The following SARDH variants were observed in gnomAD, a reference collection of about 807,000 sequenced individuals.
SARDH encodes the protein sarcosine dehydrogenase, mitochondrial.
SARDH carries 95 observed loss-of-function variants against 109.1 expected under a neutral mutation model. That is an observed-to-expected ratio of 0.87 (90% CI 0.74 to 1.03). The LOEUF is 1.03. Ranked by LOEUF, SARDH falls within the 50% of genes least tolerant of loss-of-function variation. The pLI is 0.00. For missense variants in SARDH, 1,267 were observed against 1,287.8 expected (o/e 0.98, Z 0.25); for synonymous variants, 572 against 534.8 (o/e 1.07, Z -0.96).
intron 3 of SARDH, 142 bp downstream of exon 3, chr9:133,732,281 A>C: frequency 3.2e-6 from 1 of 309,478 alleles, no homozygotes; most frequent in Non-Finnish European, 5.8e-6. Context: ...GCGCACACGG[A>C]CATGAACCCC....
In SARDH at chr9:133,712,975, C is replaced by T. The variant is rs573694943; in HGVS notation, c.1237+63G>A. Reference sequence around the variant, plus strand: ...ACGGTGCTCCTGCGCCCGCCTCCCCCAGAGCTCTGGGAATGACAGGACCTC... The same window carrying T: ...ACGGTGCTCCTGCGCCCGCCTCCCCTAGAGCTCTGGGAATGACAGGACCTC... On this transcript the variant is annotated intron_variant, in intron 9 of 20. Coordinates refer to ENST00000439388, the MANE Select transcript of SARDH (RefSeq NM_001134707.2). The surrounding 1 kb of genome is among the most constrained non-coding windows in gnomAD (Gnocchi z 4.1). The T allele has an allele frequency of 6.6e-7, 1 of 1,510,382 alleles. No homozygotes were observed. The highest frequency in any genetic ancestry group is 1.2e-5 in the South Asian group (1 of 84,498). The allele number at this position is 1,510,382 out of a possible 1,614,324, so 93.6% of individuals were successfully genotyped here. A position where few individuals can be genotyped will look rare whatever the true frequency, so the allele number is the denominator to read the frequency against.
Position 133,702,934 on chromosome 9 carries a change from G to A in SARDH, c.1650C>T (p.Phe550=), listed in dbSNP as rs756734281. The A allele has an allele frequency of 6.2e-7, 1 of 1,612,520 alleles. No individual in the cohort carries two copies. Among genetic ancestry groups the A allele is most frequent in the South Asian group, 1.1e-5 (1 of 91,040 alleles). Residue 550 remains phenylalanine (F), a synonymous_variant, in exon 13 of 21, where the codon TTC becomes TTT. Coordinates refer to ENST00000439388, the MANE Select transcript of SARDH (RefSeq NM_001134707.2). ...RLLADEYTFA[F]PPHHDTIKKE... ...TACGCACCGTGTCGTGGTGGGGCGG[G>A]AAGGCGAAGGTGTACTCGTCTGCCA...
chr9:133,694,124 G>T, intron 15 of SARDH, 134 bp downstream of exon 15: 1 of 662,426 alleles, frequency 1.5e-6, no homozygotes, highest in South Asian at 2.0e-5. Flanking sequence ...TCCCAGCTCT[G>T]ACCACAGCGG....
Position 133,693,775 on chromosome 9 carries a change from A to T in SARDH, c.1921+483T>A, listed in dbSNP as rs554778424. On this transcript the variant is annotated intron_variant, in intron 15 of 20. Transcript: ENST00000439388. The surrounding 1 kb of genome is among the most constrained non-coding windows in gnomAD (Gnocchi z 5.6). ...TGTCCCTGAGGGTATGCAAGCAGAC[A>T]TGGTGGGACTGCAGCAGGCAATCAG... is the stretch of plus-strand genomic sequence containing the variant. Among the ~76,000 whole-genome samples, 20 of 152,304 alleles carry T rather than the reference A, an allele frequency of 1.3e-4. No individual in the cohort carries two copies. Among genetic ancestry groups the T allele is most frequent in the Admixed American group, 8.5e-4 (13 of 15,302 alleles).
At chr9:133,664,116 C>T in intron 20 of SARDH, 102 bp from the exon 21 acceptor site, 1 of 1,476,148 alleles carries the variant, frequency 6.8e-7, no homozygotes. Flanking sequence ...TGCTACCTGC[C>T]CTGTGGGCAA....
In SARDH at chr9:133,708,303, C is replaced by T. The variant is rs747165860; in HGVS notation, c.1454G>A (p.Arg485Lys). ...DEPLAGRNMRRDPLHEELLGQ... is the reference protein window; with the variant it reads ...DEPLAGRNMRKDPLHEELLGQ... ...GGGCGTTACCTCGTGCAGCGGGTCTCTCCTCATGTTGCGCCCGGCCAGCGG... is the reference window on the plus strand; with the variant it reads ...GGGCGTTACCTCGTGCAGCGGGTCTTTCCTCATGTTGCGCCCGGCCAGCGG... The change falls in exon 11 of 21, where the codon AGA becomes AAA. Residue 485 changes from arginine to lysine, a missense_variant. Arg to Lys is a conservative substitution (Grantham distance 26, BLOSUM62 2). Coordinates refer to ENST00000439388, the MANE Select transcript of SARDH (RefSeq NM_001134707.2). 2.1e-5 allele frequency: 34 copies of T among 1,613,094 alleles called. No homozygotes were observed. The South Asian group carries it at 3.2e-4, about 15-fold the overall frequency.
At chr9:133,674,319 C>T (rs528789911) in intron 17 of SARDH, among the ~76,000 whole-genome samples, 28 of 152,340 alleles carry the variant, frequency 1.8e-4, no homozygotes, top group African/African-American at 6.0e-4. Context: ...TCTGACCCAT[C>T]GGCCAGGGTT....
rs1440177160 is a variant in SARDH at position 133,686,172 on chromosome 9, C to T, written c.2070-886G>A. 6.6e-6 allele frequency among the ~76,000 whole-genome samples: 1 copy of T among 152,056 alleles called. No homozygotes were observed. The highest frequency in any genetic ancestry group is 6.5e-5 in the Admixed American group (1 of 15,276). ...GGTCCACCCCTGCTTTTAAGCTCTG[C>T]GAGGGTGGGGATTCGCTCCCCACTT... On this transcript the variant is annotated intron_variant, in intron 16 of 20. Transcript: ENST00000439388. The surrounding 1 kb of genome is among the most constrained non-coding windows in gnomAD (Gnocchi z 4.0).
intron 10 of SARDH, among the ~76,000 whole-genome samples, chr9:133,711,422 G>C (rs1831913883): frequency 6.6e-6 from 1 of 152,236 alleles, no homozygotes; most frequent in Admixed American, 6.5e-5. Context: ...GGAGGGGCCT[G>C]AATTGGCCCT....
intron 6 of SARDH, among the ~76,000 whole-genome samples, chr9:133,727,614 TG>T (rs1204088284): frequency 6.6e-6 from 1 of 152,224 alleles, no homozygotes; most frequent in Non-Finnish European, 1.5e-5. Context: ...CACCTGCACA[TG>T]GCCAGGTGTC....
At position 133,704,881 on chromosome 9, in the gene SARDH, CGT is replaced by C; in HGVS notation, c.1554+65_1554+66del. 1.4e-6 allele frequency: 2 copies of C among 1,380,482 alleles called. No homozygotes were observed. The allele number at this position is 1,380,482 out of a possible 1,614,324, so 85.5% of individuals were successfully genotyped here. ...CACACGGAGGGGCAAGGACGGGGCA[CGT>C]GGAGGGGCAAGGGGGTTGTCAGGGC... On this transcript the variant is annotated intron_variant, in intron 12 of 20. Coordinates refer to ENST00000439388, the MANE Select transcript of SARDH (RefSeq NM_001134707.2). This position sits in a 1 kb window ranked among gnomAD's most constrained non-coding sequence, Gnocchi z 4.5.
At chr9:133,661,161 G>A (rs1024501928), downstream of SARDH, among the ~76,000 whole-genome samples, 2 of 152,120 alleles carry the variant, frequency 1.3e-5, no homozygotes, top group Admixed American at 1.3e-4. Flanking sequence ...CCAATATGGT[G>A]AAACCCCGTC....
At chr9:133,699,008 T>C (rs1338278112) in intron 13 of SARDH, among the ~76,000 whole-genome samples, 2 of 152,166 alleles carry the variant, frequency 1.3e-5, no homozygotes, top group African/African-American at 4.8e-5. Context: ...ATTACAGATC[T>C]GATAAGAGAC....
At chr9:133,670,298 C>T (rs1021614896) in intron 19 of SARDH, among the ~76,000 whole-genome samples, 12 of 148,318 alleles carry the variant, frequency 8.1e-5, no homozygotes, top group South Asian at 6.4e-4. Flanking sequence ...CACTGCACTC[C>T]GGCCTGGGCA....
chr9:133,679,477 C>G (rs187264173), intron 17 of SARDH, among the ~76,000 whole-genome samples: 1 of 152,258 alleles, frequency 6.6e-6, no homozygotes, highest in African/African-American at 2.4e-5. Flanking sequence ...ACTTGATCAC[C>G]GTGCCCCACG....
At chr9:133,683,757 T>C (rs1830781667) in intron 17 of SARDH, among the ~76,000 whole-genome samples, 1 of 152,128 alleles carries the variant, frequency 6.6e-6, no homozygotes, top group South Asian at 2.1e-4. Context: ...CCCAGATTTG[T>C]CCCCCAGGAC....
At chr9:133,738,387 C>T (rs950244786), upstream of SARDH, 1 of 152,138 alleles carries the variant, frequency 6.6e-6, no homozygotes, top group African/African-American at 2.4e-5. Flanking sequence ...GCTGCCAGCC[C>T]CATGTCTCCG....
chr9:133,684,349 G>A (rs947680959), intron 17 of SARDH, among the ~76,000 whole-genome samples: 2 of 152,234 alleles, frequency 1.3e-5, no homozygotes, highest in Non-Finnish European at 2.9e-5. Context: ...TAACAGAGCC[G>A]CCCGCACTAT....
At chr9:133,732,856 G>A (rs1238148814) in intron 2 of SARDH, among the ~76,000 whole-genome samples, 1 of 152,204 alleles carries the variant, frequency 6.6e-6, no homozygotes, top group Non-Finnish European at 1.5e-5. Context: ...AGCACCTACT[G>A]TGTGCCAAGC....
Sources: gnomAD v4.1 joint callset for allele counts (sites outside exome capture counted in the v4.1 genomes callset) on GRCh38, gnomAD v4.1.1 for gene constraint, Gnocchi (gnomAD v3.1) non-coding constraint, MANE v1.5 for transcripts, NCBI Gene and HGNC (gene_info 2026-07-23, HGNC 2026-07-21) for gene names.